The following SSBP3 variants were observed in gnomAD, a reference collection of about 807,000 sequenced individuals.
The protein encoded by SSBP3 is single stranded DNA binding protein 3, also known as single-stranded DNA-binding protein 3.
Under a neutral mutation model 69.6 loss-of-function variants are expected in SSBP3, and 5 were observed. The observed-to-expected ratio is 0.07, with a 90% CI of 0.04 to 0.15. The LOEUF is 0.15. Among genes scored for constraint, SSBP3 ranks in the 10% least tolerant of loss-of-function variants. SSBP3 has a pLI of 1.00. For synonymous variants in SSBP3, 196 were observed against 193.4 expected (o/e 1.01, Z -0.11); for missense variants, 312 against 534.0 (o/e 0.58, Z 4.10).
chr1:54,363,868 G>A (rs571285700), intron 4 of SSBP3, among the ~76,000 whole-genome samples: 1 of 152,320 alleles, frequency 6.6e-6, no homozygotes, highest in African/African-American at 2.4e-5. Flanking sequence ...GATTTGCATA[G>A]AGCTAGGCAC....
intron 4 of SSBP3, among the ~76,000 whole-genome samples, chr1:54,284,658 T>C (rs1645455261): frequency 6.6e-6 from 1 of 150,798 alleles, no homozygotes; most frequent in South Asian, 2.1e-4. Flanking sequence ...TTGTAGAGAT[T>C]AGGTCTCACT....
intron 9 of SSBP3, among the ~76,000 whole-genome samples, chr1:54,244,234 G>C (rs1052807868): frequency 6.6e-6 from 1 of 152,140 alleles, no homozygotes; most frequent in Non-Finnish European, 1.5e-5. Context: ...CTCCCAAGTA[G>C]CTGGGATTAT....
intron 4 of SSBP3, among the ~76,000 whole-genome samples, chr1:54,289,593 G>A (rs558135976): frequency 4.6e-5 from 7 of 152,298 alleles, no homozygotes; most frequent in African/African-American, 9.6e-5. Context: ...CTGGGCAGGC[G>A]CTGTGAGCGG....
intron 4 of SSBP3, among the ~76,000 whole-genome samples, chr1:54,359,655 G>A (rs1264880027): frequency 3.3e-5 from 5 of 152,170 alleles, no homozygotes; most frequent in African/African-American, 1.2e-4. Flanking sequence ...GGCAAAAGCT[G>A]CAGGTGGTGA....
At chr1:54,359,802 T>C (rs1646923923) in intron 4 of SSBP3, among the ~76,000 whole-genome samples, 2 of 151,398 alleles carry the variant, frequency 1.3e-5, no homozygotes, top group Admixed American at 1.3e-4. Flanking sequence ...TTCAGGAGGG[T>C]GCGATGCCAT....
rs111627172 is a variant in SSBP3, at chr1:54,237,929, G to A, written c.927+1200C>T. 2,113 of 358,986 alleles carry A rather than the reference G, an allele frequency of 5.9e-3. 49 individuals carry two copies. The highest frequency in any genetic ancestry group is 0.042 in the African/African-American group (1,950 of 46,706). The allele number at this position is 358,986 out of a possible 1,614,324, so 22.2% of individuals were successfully genotyped here. On this transcript the variant is annotated intron_variant, in intron 14 of 17. Transcript: ENST00000610401. Reference sequence around the variant, plus strand: ...GGCAACATGGCGACAGTGACCACTCGAGGCAGATCATCCACGCCATTTCCA... The same window carrying A: ...GGCAACATGGCGACAGTGACCACTCAAGGCAGATCATCCACGCCATTTCCA...
chr1:54,301,115 G>C (rs1236708752), intron 4 of SSBP3, among the ~76,000 whole-genome samples: 1 of 152,158 alleles, frequency 6.6e-6, no homozygotes, highest in Admixed American at 6.5e-5. Flanking sequence ...CCACTTGCTT[G>C]GGAAAACTGG....
intron 7 of SSBP3, among the ~76,000 whole-genome samples, 175 bp downstream of exon 7, chr1:54,256,952 T>C (rs2297030): frequency 0.073 from 11,116 of 152,192 alleles, 533 homozygotes; most frequent in South Asian, 0.24. Flanking sequence ...TGCCGCACCA[T>C]GGGCACAGCG....
intron 1 of SSBP3, among the ~76,000 whole-genome samples, chr1:54,405,276 G>A (rs1649638495): frequency 6.6e-6 from 1 of 152,220 alleles, no homozygotes; most frequent in South Asian, 2.1e-4. Context: ...CTACGCTCTC[G>A]CCAGCTTTGG....
chr1:54,294,312 G>GC (rs1250470779), intron 4 of SSBP3, among the ~76,000 whole-genome samples: 72 of 151,282 alleles, frequency 4.8e-4, no homozygotes, highest in Non-Finnish European at 5.2e-4. Flanking sequence ...CTAACAACTC[G>GC]CCCCTCCCCT....
At chr1:54,392,173 G>A (rs577688439) in intron 4 of SSBP3, among the ~76,000 whole-genome samples, 1 of 152,214 alleles carries the variant, frequency 6.6e-6, no homozygotes, top group African/African-American at 2.4e-5. Context: ...CAGAGACAAC[G>A]GTACCAAGTG....
chr1:54,308,554 T>C (rs1016988685), intron 4 of SSBP3, among the ~76,000 whole-genome samples: 5 of 146,166 alleles, frequency 3.4e-5, no homozygotes, highest in African/African-American at 7.7e-5. Context: ...TGAGCCAAGA[T>C]TGCGCCACTG....
At chr1:54,305,054 G>C (rs1309473907) in intron 4 of SSBP3, among the ~76,000 whole-genome samples, 1 of 152,182 alleles carries the variant, frequency 6.6e-6, no homozygotes, top group African/African-American at 2.4e-5. Flanking sequence ...CATAACCAGA[G>C]AAAGGCCGAG....
exon 5 of SSBP3, chr1:54,281,487 G>T (rs1326024658): frequency 6.4e-7 from 1 of 1,571,302 alleles, no homozygotes; most frequent in African/African-American, 1.4e-5. Flanking sequence ...ATCGTTGGGG[G>T]GAATGTTGCC....
At chr1:54,383,130 T>C (rs1160415901) in intron 4 of SSBP3, among the ~76,000 whole-genome samples, 1 of 151,740 alleles carries the variant, frequency 6.6e-6, no homozygotes. Context: ...TCCCAGCACT[T>C]TGGGAGGCCG....
chr1:54,240,047 G>GGTGTGTGTGTGTGTGTGTGTGTGTGTGT (rs71066910), intron 13 of SSBP3, among the ~76,000 whole-genome samples: 13 of 77,778 alleles, frequency 1.7e-4, no homozygotes, highest in South Asian at 5.8e-4. Context: ...ATTGTGATGG[G>GGTGTGTGTGTGTGTGTGTGTGTGTGTGT]GTGTGTGTGT....
intron 4 of SSBP3, among the ~76,000 whole-genome samples, chr1:54,399,801 T>A (rs1358765871): frequency 6.6e-6 from 1 of 152,134 alleles, no homozygotes; most frequent in Non-Finnish European, 1.5e-5. Flanking sequence ...TTTCCTAATT[T>A]TCTGAAGTTC....
At chr1:54,337,594 C>T (rs1331326053) in intron 4 of SSBP3, among the ~76,000 whole-genome samples, 2 of 149,022 alleles carry the variant, frequency 1.3e-5, no homozygotes, top group Admixed American at 6.7e-5. Flanking sequence ...CTCCGTCTCC[C>T]GGGTTCCAGC....
At chr1:54,393,186 C>A (rs1338995705) in intron 4 of SSBP3, among the ~76,000 whole-genome samples, 1 of 152,210 alleles carries the variant, frequency 6.6e-6, no homozygotes, top group Non-Finnish European at 1.5e-5. Context: ...CCAGAAGCAT[C>A]TGTGCGTCCA....
Sources: gnomAD v4.1 joint callset for allele counts (sites outside exome capture counted in the v4.1 genomes callset) on GRCh38, gnomAD v4.1.1 for gene constraint, MANE v1.5 for transcripts, NCBI Gene and HGNC (gene_info 2026-07-23, HGNC 2026-07-21) for gene names.